Variants in GRAMD1B observed in about 807,000 individuals in gnomAD.
GRAMD1B encodes the protein GRAM domain containing 1B, also known as protein Aster-B.
GRAMD1B carries 37 observed loss-of-function variants against 99.7 expected under a neutral mutation model. The ratio of observed to expected loss-of-function variants is 0.37; its 90% CI spans 0.29 to 0.49. The LOEUF (loss-of-function observed/expected upper bound fraction) is 0.49. Ranked by LOEUF, GRAMD1B falls within the 20% of genes least tolerant of loss-of-function variation. The pLI, the probability that GRAMD1B is intolerant of heterozygous loss-of-function variation, is 0.98. For missense variants in GRAMD1B, 888 were observed against 1,009.2 expected, an observed-to-expected ratio of 0.88 and a Z score of 1.63; for synonymous variants, 427 against 387.6, an observed-to-expected ratio of 1.10 and a Z score of -1.19.
In GRAMD1B at chr11:123,591,185, T is replaced by A. The variant is rs578071770; in HGVS notation, c.685-2897T>A. 2 of 372,886 alleles carry A rather than the reference T, an allele frequency of 5.4e-6. No individual in the cohort carries two copies. Among genetic ancestry groups the A allele is most frequent in the Non-Finnish European group, 9.5e-6 (2 of 210,142 alleles). 23.1% of individuals were successfully genotyped at this position (372,886 alleles called of 1,614,324 possible). A position where few individuals can be genotyped will look rare whatever the true frequency, so the allele number is the denominator to read the frequency against. ...TGTCCTGAGAACCACGCTGACCACC[T>A]CGGCTCACTTGTGAAGCTTCATGCT... On this transcript the variant is annotated intron_variant, in intron 4 of 19. Transcript: ENST00000635736. This position sits in a 1 kb window ranked among gnomAD's most constrained non-coding sequence, Gnocchi z 4.7.
intron 1 of GRAMD1B, chr11:123,460,062 G>C (rs1950338861): frequency 1.3e-5 from 2 of 151,144 alleles, no homozygotes; most frequent in African/African-American, 4.9e-5. Context: ...GAGTGTGATT[G>C]GACATACGTG....
At chr11:123,391,441 T>C (rs576523968) in intron 1 of GRAMD1B, among the ~76,000 whole-genome samples, 7 of 152,194 alleles carry the variant, frequency 4.6e-5, no homozygotes, top group Non-Finnish European at 1.0e-4. Context: ...GGCATCTTGA[T>C]TTTAGTTTGT....
At position 123,615,616 on chromosome 11, in the gene GRAMD1B, C is replaced by G. The variant is rs137884442; in HGVS notation, c.2318+781C>G. 3.4e-3 allele frequency among the ~76,000 whole-genome samples: 518 copies of G among 152,284 alleles called. 1 individual carries two copies. The highest frequency in any genetic ancestry group is 0.01 in the African/African-American group (428 of 41,574). On this transcript the variant is annotated intron_variant, in intron 17 of 19. Coordinates refer to ENST00000635736, the MANE Select transcript of GRAMD1B (RefSeq NM_001387025.1). Reference sequence around the variant, plus strand: ...AGGGAAGGAAGATGCGCTACTGATTCGAGGGACCATACATGGTTGTGTCAT... The same window carrying G: ...AGGGAAGGAAGATGCGCTACTGATTGGAGGGACCATACATGGTTGTGTCAT...
At position 123,529,890 on chromosome 11, in the gene GRAMD1B, T is replaced by C. The variant is rs1238207238; in HGVS notation, c.453-47477T>C. Among the ~76,000 whole-genome samples the C allele has an allele frequency of 2.0e-5, 3 of 152,030 alleles. No individual in the cohort carries two copies. The East Asian group carries it at 5.8e-4, about 29-fold the overall frequency. On this transcript the variant is annotated intron_variant, in intron 2 of 19. Transcript: ENST00000635736. ...TTCCCTGTCCTCGTGTTCCTGGCCC[T>C]CACATCTGCTGGGCTTGGTAATGCC... is the stretch of plus-strand genomic sequence containing the variant.
intron 1 of GRAMD1B, among the ~76,000 whole-genome samples, chr11:123,447,678 A>G (rs1157943564): frequency 6.6e-6 from 1 of 152,176 alleles, no homozygotes; most frequent in East Asian, 1.9e-4. Flanking sequence ...TTTCTGTTTC[A>G]TCTTGTTAGA....
At chr11:123,413,496 G>C (rs372629503) in intron 1 of GRAMD1B, among the ~76,000 whole-genome samples, 1 of 139,158 alleles carries the variant, frequency 7.2e-6, no homozygotes, top group South Asian at 2.2e-4. Context: ...TAAAAATTCA[G>C]GGTCCATTTG....
chr11:123,451,816 A>G (rs1410526940), intron 1 of GRAMD1B, among the ~76,000 whole-genome samples: 5 of 149,848 alleles, frequency 3.3e-5, no homozygotes, highest in Non-Finnish European at 5.9e-5. Flanking sequence ...TTTATTATTC[A>G]TTCATTTGTT....
At chr11:123,503,657 C>T (rs1351130451) in intron 2 of GRAMD1B, among the ~76,000 whole-genome samples, 1 of 152,078 alleles carries the variant, frequency 6.6e-6, no homozygotes, top group African/African-American at 2.4e-5. Flanking sequence ...AGGCATGCTC[C>T]TGCCTCAGCC....
chr11:123,557,817 T>C (rs1202101583), intron 2 of GRAMD1B, among the ~76,000 whole-genome samples: 1 of 152,146 alleles, frequency 6.6e-6, no homozygotes, highest in Non-Finnish European at 1.5e-5. Context: ...TATACAGCTG[T>C]ACATTTTGTA....
intron 15 of GRAMD1B, 93 bp downstream of exon 15, chr11:123,612,957 G>A: frequency 1.4e-6 from 1 of 717,430 alleles, no homozygotes; most frequent in Non-Finnish European, 2.4e-6. Flanking sequence ...ATTGAGAATA[G>A]AGGCAGAGAC....
chr11:123,506,606 A>G (rs1940457327), intron 2 of GRAMD1B, among the ~76,000 whole-genome samples: 1 of 152,178 alleles, frequency 6.6e-6, no homozygotes, highest in South Asian at 2.1e-4. Context: ...TCTGGTCTCT[A>G]GTTCAAAAAG....
At chr11:123,371,345 C>A (rs1946523112) in intron 1 of GRAMD1B, among the ~76,000 whole-genome samples, 1 of 152,082 alleles carries the variant, frequency 6.6e-6, no homozygotes, top group Admixed American at 6.5e-5. Context: ...AGGAAAAGAG[C>A]CCAGCTAATA....
At position 123,373,034 on chromosome 11, in the gene GRAMD1B, G is replaced by C. The variant is rs570898424; in HGVS notation, c.-176+14235G>C. On this transcript the variant is annotated intron_variant, in intron 1 of 20. Transcript: ENST00000638157. ...CATACCTGTAATCCCAGCTCCTCAG[G>C]AGGCTGAGGCATGAGAATCGCTTAA... Among the ~76,000 whole-genome samples, 3 of 152,254 alleles carry C rather than the reference G, an allele frequency of 2.0e-5. No homozygotes were observed. In the East Asian group the frequency reaches 5.8e-4, roughly 29 times the overall value.
chr11:123,537,301 C>T (rs139108547), intron 2 of GRAMD1B, among the ~76,000 whole-genome samples: 1 of 152,252 alleles, frequency 6.6e-6, no homozygotes, highest in African/African-American at 2.4e-5. Flanking sequence ...TCTTTTTGGG[C>T]CCTTTCTCCT....
chr11:123,364,242 C>G (rs1288911345), intron 1 of GRAMD1B, among the ~76,000 whole-genome samples: 1 of 152,198 alleles, frequency 6.6e-6, no homozygotes, highest in African/African-American at 2.4e-5. Context: ...CAGTTGGACT[C>G]GGAAAGGAGC....
chr11:123,591,980 C>T lies in GRAMD1B; in HGVS notation c.685-2102C>T, dbSNP rs1263750208. Among the ~76,000 whole-genome samples the T allele has an allele frequency of 6.6e-6, 1 of 152,210 alleles. No individual in the cohort carries two copies. The highest frequency in any genetic ancestry group is 1.9e-4 in the East Asian group (1 of 5,200). On this transcript the variant is annotated intron_variant, in intron 4 of 19. Coordinates refer to ENST00000635736, the MANE Select transcript of GRAMD1B (RefSeq NM_001387025.1). The surrounding 1 kb of genome is among the most constrained non-coding windows in gnomAD (Gnocchi z 4.7). ...GGAGATGGTGGCCAAACGCCCTGTA[C>T]CTCCACCTCTGTGGATACCTGAGCT...
At chr11:123,578,511 G>A in intron 3 of GRAMD1B, 1 of 1,017,692 alleles carries the variant, frequency 9.8e-7, no homozygotes, top group South Asian at 1.4e-5. Context: ...CCTCCCTCTG[G>A]CCCTGCCGAT....
At chr11:123,553,543 C>T (rs913193775) in intron 2 of GRAMD1B, among the ~76,000 whole-genome samples, 2 of 152,222 alleles carry the variant, frequency 1.3e-5, no homozygotes, top group Admixed American at 1.3e-4. Context: ...TCAGCTTCCT[C>T]ACCCTTCAAT....
chr11:123,414,749 A>G lies in GRAMD1B; in HGVS notation c.-176+55950A>G, dbSNP rs547791126. 2.4e-4 allele frequency among the ~76,000 whole-genome samples: 37 copies of G among 152,192 alleles called. 1 individual carries two copies. Among genetic ancestry groups the G allele is most frequent in the Non-Finnish European group, 4.4e-4 (30 of 68,030 alleles). ...TGTGTTTTGTTCAGAACAGTGTCTG[A>G]TTCATATAACTACTCAGTAAACTTA... On this transcript the variant is annotated intron_variant, in intron 1 of 20. Transcript: ENST00000638157.
Sources: allele counts gnomAD v4.1 joint callset (sites outside exome capture counted in the v4.1 genomes callset), GRCh38; gene constraint gnomAD v4.1.1; non-coding constraint Gnocchi (gnomAD v3.1); transcripts MANE v1.5; gene names NCBI Gene and HGNC (gene_info 2026-07-23, HGNC 2026-07-21).